NAA11: variants seen among roughly 807,000 people sequenced by gnomAD.
NAA11 encodes N-alpha-acetyltransferase 11, NatA catalytic subunit.
Under a neutral mutation model 16.1 loss-of-function variants are expected in NAA11, and 15 were observed. That is an observed-to-expected ratio of 0.93 (90% CI 0.62 to 1.44). NAA11 has a LOEUF of 1.44. NAA11 is among the 40% of genes most tolerant of loss of function. The probability of loss-of-function intolerance (pLI) is 0.00; values close to 1 mark genes in which losing one functional copy is unlikely to be tolerated. For synonymous variants in NAA11, 122 were observed against 112.4 expected, an observed-to-expected ratio of 1.09 and a Z score of -0.54; for missense variants, 298 against 291.3, an observed-to-expected ratio of 1.02 and a Z score of -0.17.
Position 79,244,198 on chromosome 4 carries a change from A to G in NAA11, c.*123-17928T>C, listed in dbSNP as rs531144902. ...GGCTGCCAAGTTATCGCTTTTAGAG[A>G]GGCATTGCGATAATTGCCAAACCAT... is the stretch of plus-strand genomic sequence containing the variant. On this transcript the variant is annotated intron_variant and NMD_transcript_variant, in intron 2 of 2. Transcript: ENST00000511542. Among the ~76,000 whole-genome samples, 28 of 152,228 alleles carry G rather than the reference A, an allele frequency of 1.8e-4. No homozygotes were observed. The South Asian group carries it at 3.7e-3, about 20-fold the overall frequency.
chr4:79,218,132 G>C, the NAA11 span, among the ~76,000 whole-genome samples: 2 of 152,210 alleles, frequency 1.3e-5, no homozygotes, highest in Non-Finnish European at 2.9e-5. Context: ...GAAAGATTGA[G>C]TTGTCAAAGA....
the NAA11 span, among the ~76,000 whole-genome samples, chr4:79,189,743 C>A: frequency 6.6e-6 from 1 of 152,168 alleles, no homozygotes; most frequent in South Asian, 2.1e-4. Flanking sequence ...TACCTGACTT[C>A]TTGTCTAAGG....
chr4:79,162,009 C>T, the NAA11 span, among the ~76,000 whole-genome samples: 1 of 152,146 alleles, frequency 6.6e-6, no homozygotes, highest in Admixed American at 6.5e-5. Flanking sequence ...TTTCATTCCA[C>T]AGTATTTTGT....
intron 2 of NAA11, among the ~76,000 whole-genome samples, chr4:79,291,160 A>G (rs1305319234): frequency 1.3e-5 from 2 of 152,192 alleles, no homozygotes; most frequent in African/African-American, 4.8e-5. Flanking sequence ...GAGCGTGTAC[A>G]GCACCATATA....
chr4:79,289,440 T>C (rs1174404609), intron 2 of NAA11, among the ~76,000 whole-genome samples: 1 of 152,240 alleles, frequency 6.6e-6, no homozygotes, highest in Non-Finnish European at 1.5e-5. Flanking sequence ...AAACTACGAA[T>C]AGCCATTATT....
At chr4:79,187,335 G>A in the NAA11 span, among the ~76,000 whole-genome samples, 1 of 152,116 alleles carries the variant, frequency 6.6e-6, no homozygotes, top group Non-Finnish European at 1.5e-5. Flanking sequence ...GCATGTCATG[G>A]CCCACTGCTG....
the NAA11 span, among the ~76,000 whole-genome samples, chr4:79,170,997 A>G: frequency 3.3e-5 from 5 of 152,204 alleles, no homozygotes; most frequent in Non-Finnish European, 7.3e-5. Flanking sequence ...GTTTGTTTAT[A>G]CATTCAGTTA....
the NAA11 span, among the ~76,000 whole-genome samples, chr4:79,167,983 T>A: frequency 6.6e-6 from 1 of 152,136 alleles, no homozygotes; most frequent in Non-Finnish European, 1.5e-5. Context: ...TAACCCATCA[T>A]CTACATTAGG....
chr4:79,220,916 CA>C (rs1321429175), downstream of NAA11, among the ~76,000 whole-genome samples: 3 of 151,924 alleles, frequency 2.0e-5, no homozygotes, highest in Non-Finnish European at 4.4e-5. Flanking sequence ...TGAAGAAAGT[CA>C]TTGGTAGCTT....
At chr4:79,177,981 CAT>C in the NAA11 span, among the ~76,000 whole-genome samples, 2 of 152,102 alleles carry the variant, frequency 1.3e-5, no homozygotes, top group Admixed American at 1.3e-4. Context: ...TAATTGTTCT[CAT>C]AGCTGTTCTC....
At chr4:79,174,178 C>A in the NAA11 span, among the ~76,000 whole-genome samples, 1 of 151,960 alleles carries the variant, frequency 6.6e-6, no homozygotes, top group Non-Finnish European at 1.5e-5. Context: ...AAATAGAATA[C>A]AATTTTGAGA....
the NAA11 span, among the ~76,000 whole-genome samples, chr4:79,182,531 C>T: frequency 6.6e-6 from 1 of 152,060 alleles, no homozygotes. Flanking sequence ...GATTGTTCCC[C>T]AATTAACGAG....
intron 2 of NAA11, among the ~76,000 whole-genome samples, chr4:79,249,428 A>G (rs1335890682): frequency 1.3e-5 from 2 of 152,240 alleles, no homozygotes; most frequent in Non-Finnish European, 2.9e-5. Flanking sequence ...AACCAAACTC[A>G]TCTGATAGAT....
chr4:79,287,878 T>C (rs1248586600), intron 2 of NAA11, among the ~76,000 whole-genome samples: 2 of 152,226 alleles, frequency 1.3e-5, no homozygotes, highest in African/African-American at 4.8e-5. Context: ...AATTGTTATA[T>C]ATTTTAATTG....
intron 2 of NAA11, among the ~76,000 whole-genome samples, chr4:79,237,302 C>T (rs1427640338): frequency 6.6e-6 from 1 of 152,116 alleles, no homozygotes; most frequent in African/African-American, 2.4e-5. Flanking sequence ...GCTGCTCATT[C>T]ACACAGTGGT....
chr4:79,276,271 A>G (rs901110411), intron 2 of NAA11, among the ~76,000 whole-genome samples: 1 of 152,144 alleles, frequency 6.6e-6, no homozygotes, highest in Admixed American at 6.5e-5. Context: ...ATAAAAGATA[A>G]TAAAAGACAA....
intron 2 of NAA11, among the ~76,000 whole-genome samples, chr4:79,285,723 G>A (rs943646630): frequency 5.3e-5 from 8 of 151,976 alleles, no homozygotes; most frequent in Admixed American, 2.6e-4. Context: ...TCAAATTTAC[G>A]GTGCCCAAGT....
At position 79,326,058 on chromosome 4, in the gene NAA11, A is replaced by C; in HGVS notation, c.-181T>G. The C allele has an allele frequency of 1.6e-6, 1 of 606,402 alleles. No individual in the cohort carries two copies. Among genetic ancestry groups the C allele is most frequent in the Admixed American group, 3.0e-5 (1 of 32,882 alleles). The allele number at this position is 606,402 out of a possible 1,614,324, so 37.6% of individuals were successfully genotyped here. A position where few individuals can be genotyped will look rare whatever the true frequency, so the allele number is the denominator to read the frequency against. ...GCAGGAGATGGAAAAGATGGTGCCA[A>C]ACTGCGGCTTTCAGAAGTGCGTCAC... On this transcript the variant is annotated 5_prime_UTR_variant, in exon 1 of 2. Coordinates refer to ENST00000286794, the MANE Select transcript of NAA11 (RefSeq NM_032693.3).
chr4:79,209,405 T>C, the NAA11 span, among the ~76,000 whole-genome samples: 1 of 152,164 alleles, frequency 6.6e-6, no homozygotes, highest in Non-Finnish European at 1.5e-5. Context: ...ATTTGTCACT[T>C]GGCCTATGAA....
Sources: gnomAD v4.1 joint callset for allele counts (sites outside exome capture counted in the v4.1 genomes callset) on GRCh38, gnomAD v4.1.1 for gene constraint, MANE v1.5 for transcripts, NCBI Gene and HGNC (gene_info 2026-07-23, HGNC 2026-07-21) for gene names.